The following BEND6 variants were observed in gnomAD, a reference collection of about 807,000 sequenced individuals.
The protein encoded by BEND6 is BEN domain-containing protein 6.
A neutral mutation model predicts 31.8 loss-of-function variants in BEND6; 24 were observed. The ratio of observed to expected loss-of-function variants is 0.75; its 90% CI spans 0.55 to 1.06. The LOEUF is 1.06. Among genes scored for constraint, BEND6 ranks in the 50% least tolerant of loss-of-function variants. BEND6 has a pLI of 0.00. For missense variants in BEND6, 294 were observed against 327.4 expected (o/e 0.90, Z 0.79); for synonymous variants, 109 against 114.6 (o/e 0.95, Z 0.31).
chr6:56,992,465 T>C lies in BEND6; in HGVS notation c.208T>C (p.Leu70=), dbSNP rs770321168. Residue 70 remains leucine, a synonymous_variant, in exon 3 of 7, where the codon TTG becomes CTG. Coordinates refer to ENST00000370746, the MANE Select transcript of BEND6 (RefSeq NM_152731.3). The part of the protein sequence containing the change: ...EPLAELSKEE[L]CAKIKSLKEK... ...TTTAGCAGAATTGTCAAAGGAAGAA[T>C]TGTGCGCCAAAATAAAAAGCCTGAA... 10 of 1,614,118 alleles carry C rather than the reference T, an allele frequency of 6.2e-6. No individual in the cohort carries two copies. Among genetic ancestry groups the C allele is most frequent in the South Asian group, 1.1e-5 (1 of 91,078 alleles).
intron 6 of BEND6, among the ~76,000 whole-genome samples, chr6:57,019,948 A>T (rs946629829): frequency 1.3e-5 from 2 of 152,088 alleles, no homozygotes; most frequent in African/African-American, 2.4e-5. Flanking sequence ...GAAGAAAAAA[A>T]ATTAGCCCAG....
intron 1 of BEND6, among the ~76,000 whole-genome samples, chr6:56,964,784 C>G (rs1825410472): frequency 6.6e-6 from 1 of 152,212 alleles, no homozygotes; most frequent in African/African-American, 2.4e-5. Context: ...GTGTGAGCCT[C>G]CTCACCTGGC....
chr6:56,999,940 G>A (rs1006512398), intron 3 of BEND6, among the ~76,000 whole-genome samples: 1 of 148,314 alleles, frequency 6.7e-6, no homozygotes, highest in Non-Finnish European at 1.5e-5. Flanking sequence ...CCCTCTGCCT[G>A]GCTGCCCCGT....
rs1185613140 is a variant in BEND6 at position 57,012,721 on chromosome 6, A to T, written c.299-2412A>T. The stretch of plus-strand genomic sequence containing the variant: ...AGCATGGTTCTAATTATGTAAAAGA[A>T]AATACATTAATAAAAATAGAGATAC... On this transcript the variant is annotated intron_variant, in intron 3 of 6. Transcript: ENST00000370746. Among the ~76,000 whole-genome samples, 3 of 152,240 alleles carry T rather than the reference A, an allele frequency of 2.0e-5. No individual in the cohort carries two copies. In the East Asian group the frequency reaches 5.8e-4, roughly 29 times the overall value.
intron 2 of BEND6, among the ~76,000 whole-genome samples, chr6:56,987,548 GTATGTCTC>G (rs1826327872): frequency 3.9e-5 from 6 of 152,128 alleles, no homozygotes; most frequent in Non-Finnish European, 2.9e-5. Context: ...CCATTTATCT[GTATGTCTC>G]TATCATATAC....
At chr6:56,960,714 A>G (rs1224942064) in intron 1 of BEND6, among the ~76,000 whole-genome samples, 1 of 152,240 alleles carries the variant, frequency 6.6e-6, no homozygotes, top group East Asian at 1.9e-4. Context: ...AAATGTACCA[A>G]GGAGAGCAGA....
In BEND6 at chr6:57,017,288, T is replaced by G; in HGVS notation, c.601T>G (p.Tyr201Asp). The change falls in exon 5 of 7, where the codon TAC becomes GAC. Residue 201 changes from tyrosine (Y) to aspartate (D), a missense_variant. By Grantham distance (160) the Tyr-to-Asp change is radical. Transcript: ENST00000370746. ...KFINDLMQVLYTNEYMATHSL... is the reference protein window; with the variant it reads ...KFINDLMQVLDTNEYMATHSL... Reference sequence around the variant, plus strand: ...TATTAATGATTTAATGCAAGTACTTTACACAAATGAATACATGGCCACTCA... The same window carrying G: ...TATTAATGATTTAATGCAAGTACTTGACACAAATGAATACATGGCCACTCA... The G allele has an allele frequency of 6.5e-7, 1 of 1,546,854 alleles. No homozygotes were observed. The highest frequency in any genetic ancestry group is 8.7e-7 in the Non-Finnish European group (1 of 1,147,040).
chr6:56,961,906 G>T (rs912306821), intron 1 of BEND6, among the ~76,000 whole-genome samples: 1 of 152,148 alleles, frequency 6.6e-6, no homozygotes, highest in African/African-American at 2.4e-5. Flanking sequence ...CCTACTCGTT[G>T]TTTCTAGCGT....
intron 1 of BEND6, among the ~76,000 whole-genome samples, chr6:56,972,513 CTAAT>C (rs1218082439): frequency 6.6e-6 from 1 of 152,144 alleles, no homozygotes; most frequent in Non-Finnish European, 1.5e-5. Context: ...CTCTTGAAAA[CTAAT>C]TATGTACTTT....
intron 3 of BEND6, among the ~76,000 whole-genome samples, chr6:57,001,583 A>G (rs756818431): frequency 7.3e-4 from 111 of 152,320 alleles, no homozygotes; most frequent in Admixed American, 1.7e-3. Context: ...TTAGGGGCCT[A>G]TTTTCAGCAT....
intron 6 of BEND6, among the ~76,000 whole-genome samples, chr6:57,025,300 A>G (rs1458722395): frequency 6.6e-6 from 1 of 152,174 alleles, no homozygotes; most frequent in Non-Finnish European, 1.5e-5. Context: ...CTTTGCATTG[A>G]AAGACTAGTT....
intron 2 of BEND6, among the ~76,000 whole-genome samples, chr6:56,991,927 C>T (rs1451586663): frequency 6.6e-6 from 1 of 152,166 alleles, no homozygotes; most frequent in Non-Finnish European, 1.5e-5. Flanking sequence ...CATAGAAGCA[C>T]TAACTCTGGT....
chr6:57,014,996 CAT>C, intron 3 of BEND6, 135 bp from the exon 4 acceptor site: 1 of 606,432 alleles, frequency 1.6e-6, no homozygotes, highest in Non-Finnish European at 2.8e-6. Flanking sequence ...CCTTTCCTGC[CAT>C]GTTTATTTTC....
At position 56,989,570 on chromosome 6, in the gene BEND6, A is replaced by G. The variant is rs1197374809; in HGVS notation, c.121-2808A>G. 6.6e-5 allele frequency among the ~76,000 whole-genome samples: 10 copies of G among 152,172 alleles called. No homozygotes were observed. In the East Asian group the frequency reaches 1.9e-3, roughly 29 times the overall value. ...AGTAGTTCTGCCAATTTACATTCCC[A>G]CCAGAAATATGAGGAAATTCCATTG... is the stretch of plus-strand genomic sequence containing the variant. On this transcript the variant is annotated intron_variant, in intron 2 of 6. Transcript: ENST00000370746.
intron 4 of BEND6, among the ~76,000 whole-genome samples, chr6:57,016,733 T>G (rs1827573663): frequency 6.6e-6 from 1 of 152,206 alleles, no homozygotes; most frequent in Admixed American, 6.5e-5. Context: ...CTCATGTGAT[T>G]AAATTGGGCC....
Position 57,017,368 on chromosome 6 carries a change from T to C in BEND6, c.681T>C (p.Ala227=). Residue 227 remains alanine (A), a synonymous_variant, in exon 5 of 7, where the codon GCT becomes GCC. Coordinates refer to ENST00000370746, the MANE Select transcript of BEND6 (RefSeq NM_152731.3). The part of the protein sequence containing the change: ...STSRDKAVKP[A]MNQNEVQEII... Reference sequence around the variant, plus strand: ...CAAGGGACAAAGCTGTAAAACCAGCTATGAATCAGAATGAAGTCCAAGAAA... The same window carrying C: ...CAAGGGACAAAGCTGTAAAACCAGCCATGAATCAGAATGAAGTCCAAGAAA... 1 of 1,372,122 alleles carries C rather than the reference T, an allele frequency of 7.3e-7. No homozygotes were observed. Among genetic ancestry groups the C allele is most frequent in the Non-Finnish European group, 9.5e-7 (1 of 1,055,122 alleles). 85.0% of individuals were successfully genotyped at this position (1,372,122 alleles called of 1,614,324 possible).
chr6:56,991,764 C>G (rs558030519), intron 2 of BEND6, among the ~76,000 whole-genome samples: 22 of 152,172 alleles, frequency 1.4e-4, no homozygotes, highest in Admixed American at 1.4e-3. Context: ...AATGAACACA[C>G]CCATATAAAA....
At chr6:56,961,058 T>C (rs1039239876) in intron 1 of BEND6, among the ~76,000 whole-genome samples, 5 of 152,218 alleles carry the variant, frequency 3.3e-5, no homozygotes, top group Non-Finnish European at 4.4e-5. Context: ...TAAAAACTTG[T>C]GTCTCATTTT....
chr6:56,971,798 A>C (rs1171856353), intron 1 of BEND6, among the ~76,000 whole-genome samples: 1 of 151,980 alleles, frequency 6.6e-6, no homozygotes, highest in Non-Finnish European at 1.5e-5. Flanking sequence ...CAAGTCCTTT[A>C]CTCATTTTTG....
Sources: gnomAD v4.1 joint callset for allele counts (sites outside exome capture counted in the v4.1 genomes callset) on GRCh38, gnomAD v4.1.1 for gene constraint, MANE v1.5 for transcripts, NCBI Gene and HGNC (gene_info 2026-07-23, HGNC 2026-07-21) for gene names.